The following NTRK3 variants were observed in gnomAD, a reference collection of about 807,000 sequenced individuals.
NTRK3 encodes the protein NT-3 growth factor receptor.
A neutral mutation model predicts 91.7 loss-of-function variants in NTRK3; 24 were observed. The ratio of observed to expected loss-of-function variants is 0.26; its 90% CI spans 0.19 to 0.37. The LOEUF (loss-of-function observed/expected upper bound fraction) is 0.37. NTRK3 is among the 10% of genes least tolerant of loss of function. The pLI, the probability that NTRK3 is intolerant of heterozygous loss-of-function variation, is 1.00. For missense variants in NTRK3, 880 were observed against 1,068.9 expected (o/e 0.82, Z 2.46); for synonymous variants, 483 against 404.0 (o/e 1.20, Z -2.34).
At chr15:88,248,912 C>T (rs1008585383) in intron 3 of NTRK3, among the ~76,000 whole-genome samples, 1 of 152,176 alleles carries the variant, frequency 6.6e-6, no homozygotes, top group Non-Finnish European at 1.5e-5. Context: ...CACTGAACTT[C>T]AACAGGGTGC....
chr15:87,899,909 G>T (rs1022641037), intron 17 of NTRK3, among the ~76,000 whole-genome samples: 10 of 152,266 alleles, frequency 6.6e-5, no homozygotes, highest in African/African-American at 2.2e-4. Context: ...GAAACAATTA[G>T]CCTTCTCACA....
chr15:88,148,728 C>G (rs1165435677), intron 5 of NTRK3, among the ~76,000 whole-genome samples: 1 of 152,144 alleles, frequency 6.6e-6, no homozygotes. Flanking sequence ...GAGAAGTGAC[C>G]TAGTCTAATT....
chr15:88,210,246 C>A (rs1255391384), intron 3 of NTRK3, among the ~76,000 whole-genome samples: 2 of 152,162 alleles, frequency 1.3e-5, no homozygotes, highest in Admixed American at 1.3e-4. Flanking sequence ...AGGGAGGCAG[C>A]CTCAGACCCC....
chr15:87,862,303 C>T (rs2064550962), exon 19 of NTRK3: 1 of 224,220 alleles, frequency 4.5e-6, no homozygotes, highest in African/African-American at 2.2e-5. Context: ...CCTCTGAGAT[C>T]TGGCTCTGTC....
intron 15 of NTRK3, among the ~76,000 whole-genome samples, chr15:87,940,128 AC>A (rs1017844491): frequency 6.6e-6 from 1 of 150,428 alleles, no homozygotes; most frequent in Non-Finnish European, 1.5e-5. Context: ...CCCAGTGCTA[AC>A]CCCCTACCTC....
intron 13 of NTRK3, among the ~76,000 whole-genome samples, chr15:88,055,282 G>A (rs909413620): frequency 3.3e-5 from 5 of 152,156 alleles, no homozygotes; most frequent in Non-Finnish European, 5.9e-5. Flanking sequence ...AAACTGGGAG[G>A]AGTAGACAGA....
intron 17 of NTRK3, among the ~76,000 whole-genome samples, chr15:87,889,406 T>TC (rs2065731869): frequency 7.0e-6 from 1 of 142,518 alleles, no homozygotes; most frequent in South Asian, 2.3e-4. Context: ...CTTTTTTTTT[T>TC]TTTTTTTTTT....
Position 88,032,786 on chromosome 15 carries a change from C to A in NTRK3, c.1585+71G>T, listed in dbSNP as rs2078669276. ...AGGTCACCCTAGAAGGTTCCAGAAC[C>A]CCAGGTACATGGTCTATCACCAACC... On this transcript the variant is annotated intron_variant, in intron 14 of 18. Coordinates refer to ENST00000394480, the Ensembl canonical transcript of NTRK3. 5 of 1,561,802 alleles carry A rather than the reference C, an allele frequency of 3.2e-6. No individual in the cohort carries two copies. In the South Asian group the frequency reaches 5.7e-5, roughly 18 times the overall value.
intron 14 of NTRK3, among the ~76,000 whole-genome samples, chr15:88,025,874 G>T (rs1039823590): frequency 6.6e-6 from 1 of 152,158 alleles, no homozygotes; most frequent in African/African-American, 2.4e-5. Context: ...AATGAGAATC[G>T]CTTGAACCCG....
chr15:88,152,659 T>G (rs546534105), intron 5 of NTRK3, among the ~76,000 whole-genome samples: 1 of 152,310 alleles, frequency 6.6e-6, no homozygotes, highest in South Asian at 2.1e-4. Flanking sequence ...CAATTGCAAA[T>G]TAATACACCT....
chr15:87,950,688 A>G (rs1258058461), intron 14 of NTRK3, among the ~76,000 whole-genome samples: 1 of 152,220 alleles, frequency 6.6e-6, no homozygotes, highest in African/African-American at 2.4e-5. Flanking sequence ...ACTTGCCATG[A>G]GGATTCAGTG....
intron 9 of NTRK3, 150 bp downstream of exon 9, chr15:88,135,748 TC>T (rs2041814317): frequency 1.9e-6 from 2 of 1,075,698 alleles, no homozygotes; most frequent in Non-Finnish European, 2.7e-6. Context: ...AGGACTTACT[TC>T]TCAGTCCTGC....
Position 88,240,128 on chromosome 15 carries a change from C to G in NTRK3, c.248+15778G>C, listed in dbSNP as rs2052194334. Among the ~76,000 whole-genome samples the G allele has an allele frequency of 6.6e-6, 1 of 151,848 alleles. No homozygotes were observed. Among genetic ancestry groups the G allele is most frequent in the South Asian group, 2.1e-4 (1 of 4,796 alleles). ...AGGAGCACAGCCCCCCTCCCCTCCCCCACAGGATTGCCCCCAGAGAAACCC... is the reference window on the plus strand; with the variant it reads ...AGGAGCACAGCCCCCCTCCCCTCCCGCACAGGATTGCCCCCAGAGAAACCC... On this transcript the variant is annotated intron_variant, in intron 3 of 18. Coordinates refer to ENST00000394480, the Ensembl canonical transcript of NTRK3. The surrounding 1 kb of genome is among the most constrained non-coding windows in gnomAD (Gnocchi z 4.9).
chr15:88,153,049 G>A (rs1379438450), intron 5 of NTRK3, among the ~76,000 whole-genome samples: 1 of 152,180 alleles, frequency 6.6e-6, no homozygotes, highest in Non-Finnish European at 1.5e-5. Flanking sequence ...ATCCAGCACA[G>A]CTAACCAGAA....
chr15:88,023,629 C>G (rs1340024655), intron 14 of NTRK3, among the ~76,000 whole-genome samples: 1 of 152,172 alleles, frequency 6.6e-6, no homozygotes, highest in Non-Finnish European at 1.5e-5. Context: ...TCAGAATCCC[C>G]CACCCACCTT....
At chr15:87,916,026 A>G (rs1011239079) in intron 17 of NTRK3, among the ~76,000 whole-genome samples, 1 of 152,168 alleles carries the variant, frequency 6.6e-6, no homozygotes, top group Non-Finnish European at 1.5e-5. Flanking sequence ...CTAGAAAAAA[A>G]CAACCGAGAG....
intron 14 of NTRK3, among the ~76,000 whole-genome samples, chr15:87,957,840 A>T (rs2071834022): frequency 6.6e-6 from 1 of 152,220 alleles, no homozygotes; most frequent in African/African-American, 2.4e-5. Flanking sequence ...AGCAGAGCAC[A>T]TTAATTAGTC....
chr15:87,880,934 T>C (rs1213936224), intron 17 of NTRK3, among the ~76,000 whole-genome samples: 1 of 152,184 alleles, frequency 6.6e-6, no homozygotes, highest in African/African-American at 2.4e-5. Flanking sequence ...GTGTTTCAAG[T>C]GAAGGAGACA....
chr15:88,084,176 G>A (rs1011608997), intron 13 of NTRK3, among the ~76,000 whole-genome samples: 4 of 150,994 alleles, frequency 2.6e-5, no homozygotes, highest in Non-Finnish European at 4.4e-5. Context: ...GAACTTGAGC[G>A]CTCAGGGGTT....
Sources: allele counts gnomAD v4.1 joint callset (sites outside exome capture counted in the v4.1 genomes callset), GRCh38; gene constraint gnomAD v4.1.1; non-coding constraint Gnocchi (gnomAD v3.1); transcripts MANE v1.5; gene names NCBI Gene and HGNC (gene_info 2026-07-23, HGNC 2026-07-21).